Variants in EYS observed in about 807,000 individuals in gnomAD.
EYS encodes the protein protein eyes shut homolog.
A neutral mutation model predicts 282.1 loss-of-function variants in EYS; 250 were observed. That is an observed-to-expected ratio of 0.89 (90% CI 0.80 to 0.98). The LOEUF (loss-of-function observed/expected upper bound fraction) is 0.98. Among genes scored for constraint, EYS ranks in the 50% least tolerant of loss-of-function variants. The pLI, the probability that EYS is intolerant of heterozygous loss-of-function variation, is 0.00. For synonymous variants in EYS, 1,355 were observed against 1,282.9 expected (o/e 1.06, Z -1.20); for missense variants, 4,016 against 3,709.0 (o/e 1.08, Z -2.15).
chr6:65,362,427 C>A (rs1582188214), intron 8 of EYS, among the ~76,000 whole-genome samples: 1 of 151,856 alleles, frequency 6.6e-6, no homozygotes, highest in South Asian at 2.1e-4. Flanking sequence ...ATATATTTTA[C>A]TATTTGGGAG....
chr6:64,451,085 G>C (rs951848927), intron 26 of EYS, among the ~76,000 whole-genome samples: 11 of 152,048 alleles, frequency 7.2e-5, no homozygotes, highest in African/African-American at 2.7e-4. Flanking sequence ...TTTTTGAAAA[G>C]ATCAACAAAA....
rs145084156 is a variant in EYS at position 64,371,848 on chromosome 6, T to C, written c.6078+16842A>G. On this transcript the variant is annotated intron_variant, in intron 29 of 42. Transcript: ENST00000503581. ...ATTAAAAGAGCACCCCTTGCCTTTT[T>C]GTTTTCCATTTGCATGGTAGGTTTT... Among the ~76,000 whole-genome samples the C allele has an allele frequency of 7.7e-3, 1,167 of 152,298 alleles. 5 individuals carry two copies. The highest frequency in any genetic ancestry group is 0.011 in the Non-Finnish European group (770 of 68,020).
intron 33 of EYS, among the ~76,000 whole-genome samples, chr6:64,031,925 C>T (rs964670357): frequency 1.3e-5 from 2 of 152,294 alleles, no homozygotes; most frequent in East Asian, 1.9e-4. Context: ...TGGCAACCTG[C>T]TCTGGTCCCC....
intron 39 of EYS, among the ~76,000 whole-genome samples, chr6:63,783,441 G>A (rs1176306297): frequency 6.6e-6 from 1 of 152,170 alleles, no homozygotes; most frequent in Non-Finnish European, 1.5e-5. Flanking sequence ...GAAAGATCTG[G>A]TGGTAACAAC....
At chr6:64,500,098 A>C (rs548855125) in intron 26 of EYS, among the ~76,000 whole-genome samples, 1 of 152,258 alleles carries the variant, frequency 6.6e-6, no homozygotes, top group South Asian at 2.1e-4. Flanking sequence ...ATAAAAAATA[A>C]GTACATAGAA....
At chr6:65,449,475 C>A (rs142705312) in intron 5 of EYS, among the ~76,000 whole-genome samples, 91 of 152,122 alleles carry the variant, frequency 6.0e-4, no homozygotes, top group African/African-American at 2.1e-3. Context: ...CTATTGAAAT[C>A]TGTACAATTG....
At chr6:65,410,299 T>C (rs950148957) in intron 5 of EYS, among the ~76,000 whole-genome samples, 1 of 152,076 alleles carries the variant, frequency 6.6e-6, no homozygotes, top group South Asian at 2.1e-4. Flanking sequence ...TTATTGAGTA[T>C]AATTTGACAT....
rs1554222995 is a variant in EYS, at chr6:64,259,650, G to GCACA, written c.6192-28830_6192-28827dup. Among the ~76,000 whole-genome samples the GCACA allele has an allele frequency of 6.2e-3, 901 of 145,678 alleles. 4 individuals carry two copies. The highest frequency in any genetic ancestry group is 0.021 in the African/African-American group (811 of 39,402). ...TCTCTCCCAGTACTTTTACACACGC[G>GCACA]CACACACACACACACACACACACAC... On this transcript the variant is annotated intron_variant, in intron 30 of 42. Coordinates refer to ENST00000503581, the MANE Select transcript of EYS (RefSeq NM_001142800.2).
At chr6:64,013,646 A>G (rs1768750205) in intron 33 of EYS, among the ~76,000 whole-genome samples, 1 of 152,184 alleles carries the variant, frequency 6.6e-6, no homozygotes, top group Non-Finnish European at 1.5e-5. Context: ...GGCAAATGCT[A>G]CAAATCACCA....
chr6:65,106,921 T>TC (rs1323362740), intron 12 of EYS, among the ~76,000 whole-genome samples: 6 of 151,934 alleles, frequency 3.9e-5, no homozygotes, highest in Non-Finnish European at 7.4e-5. Flanking sequence ...CATGGCTGGG[T>TC]TTGAGAAAAA....
chr6:64,285,861 G>A (rs1027337587), intron 30 of EYS, among the ~76,000 whole-genome samples: 15 of 152,036 alleles, frequency 9.9e-5, no homozygotes, highest in African/African-American at 1.4e-4. Flanking sequence ...GGGGGAAACC[G>A]CCCCATGATT....
rs576527490 is a variant in EYS, at chr6:64,096,199, T to A, written c.6425-14197A>T. Among the ~76,000 whole-genome samples, 4 of 152,344 alleles carry A rather than the reference T, an allele frequency of 2.6e-5. No individual in the cohort carries two copies. In the East Asian group the frequency reaches 7.7e-4, roughly 29 times the overall value. ...TGCCCTTAACATTTTATCCTTCATT[T>A]CAACTTTGTTGAATCTGACAATTAT... On this transcript the variant is annotated intron_variant, in intron 31 of 42. Transcript: ENST00000503581.
intron 22 of EYS, among the ~76,000 whole-genome samples, chr6:64,769,474 A>G (rs1773458995): frequency 1.3e-5 from 2 of 152,058 alleles, no homozygotes; most frequent in Admixed American, 6.6e-5. Flanking sequence ...TTGCTTTCCC[A>G]TTACGCTATG....
intron 2 of EYS, among the ~76,000 whole-genome samples, chr6:65,499,529 T>C (rs1022324943): frequency 6.6e-6 from 1 of 152,018 alleles, no homozygotes; most frequent in Admixed American, 6.6e-5. Flanking sequence ...CAGCTTTTTA[T>C]TTGTATAAAT....
chr6:64,827,671 T>C (rs1434141110), intron 19 of EYS, among the ~76,000 whole-genome samples: 1 of 151,874 alleles, frequency 6.6e-6, no homozygotes, highest in African/African-American at 2.4e-5. Context: ...TCTAACCATT[T>C]TGAATTACAA....
At chr6:65,371,172 T>C (rs1765128352) in intron 8 of EYS, among the ~76,000 whole-genome samples, 1 of 151,856 alleles carries the variant, frequency 6.6e-6, no homozygotes, top group Non-Finnish European at 1.5e-5. Context: ...ACAGACTCCT[T>C]TTTCTTGTCA....
intron 1 of EYS, among the ~76,000 whole-genome samples, chr6:65,695,417 G>A (rs1457511483): frequency 6.6e-6 from 1 of 152,034 alleles, no homozygotes; most frequent in Non-Finnish European, 1.5e-5. Context: ...AACTGCAGGT[G>A]TTCTGAGAAA....
At chr6:65,333,750 T>C (rs936306632) in intron 11 of EYS, among the ~76,000 whole-genome samples, 1 of 149,670 alleles carries the variant, frequency 6.7e-6, no homozygotes, top group Non-Finnish European at 1.5e-5. Context: ...TACACACACA[T>C]ATATGTTTGT....
chr6:64,797,069 T>A (rs1428917269), intron 22 of EYS, among the ~76,000 whole-genome samples: 4 of 152,100 alleles, frequency 2.6e-5, no homozygotes, highest in Non-Finnish European at 5.9e-5. Context: ...TCTGATGAAG[T>A]TCAGCTCCTG....
Sources: gnomAD v4.1 joint callset for allele counts (sites outside exome capture counted in the v4.1 genomes callset) on GRCh38, gnomAD v4.1.1 for gene constraint, MANE v1.5 for transcripts, NCBI Gene and HGNC (gene_info 2026-07-23, HGNC 2026-07-21) for gene names.